Variants in CSNK1G3 observed in about 807,000 individuals in gnomAD.
The protein encoded by CSNK1G3 is casein kinase I isoform gamma-3.
CSNK1G3 carries 23 observed loss-of-function variants against 64.3 expected under a neutral mutation model. The observed-to-expected ratio is 0.36, with a 90% CI of 0.26 to 0.51. CSNK1G3 has a LOEUF of 0.51. Ranked by LOEUF, CSNK1G3 falls within the 20% of genes least tolerant of loss-of-function variation. The probability of loss-of-function intolerance (pLI) is 0.96; values close to 1 mark genes in which losing one functional copy is unlikely to be tolerated. For missense variants in CSNK1G3, 357 were observed against 510.5 expected (o/e 0.70, Z 2.90); for synonymous variants, 158 against 162.2 (o/e 0.97, Z 0.20).
chr5:123,553,178 G>T, intron 3 of CSNK1G3, 31 bp downstream of exon 3: 1 of 1,158,834 alleles, frequency 8.6e-7, no homozygotes, highest in Non-Finnish European at 1.2e-6. Context: ...TTTTCTTAAT[G>T]ATTTCTTTGT....
intron 6 of CSNK1G3, among the ~76,000 whole-genome samples, 195 bp from the exon 7 acceptor site, chr5:123,587,873 A>G (rs1561580974): frequency 6.6e-6 from 1 of 152,190 alleles, no homozygotes; most frequent in Non-Finnish European, 1.5e-5. Flanking sequence ...TATTTTAAAG[A>G]TGCTCAATAA....
At chr5:123,549,278 G>A (rs1468501206) in intron 2 of CSNK1G3, among the ~76,000 whole-genome samples, 1 of 151,998 alleles carries the variant, frequency 6.6e-6, no homozygotes, top group Non-Finnish European at 1.5e-5. Context: ...TAAAATATAG[G>A]GTTGTATTAT....
intron 4 of CSNK1G3, among the ~76,000 whole-genome samples, chr5:123,561,314 T>G (rs955486163): frequency 9.2e-5 from 14 of 152,208 alleles, no homozygotes; most frequent in African/African-American, 3.4e-4. Context: ...AGATGGTTTT[T>G]AAAGCTAAAG....
At chr5:123,540,224 T>C (rs887035589) in intron 1 of CSNK1G3, among the ~76,000 whole-genome samples, 2 of 152,146 alleles carry the variant, frequency 1.3e-5, no homozygotes, top group Non-Finnish European at 2.9e-5. Flanking sequence ...ATTTCAGATA[T>C]GACAGTTTTT....
At chr5:123,571,993 T>C (rs905361716) in intron 4 of CSNK1G3, among the ~76,000 whole-genome samples, 1 of 151,922 alleles carries the variant, frequency 6.6e-6, no homozygotes, top group Non-Finnish European at 1.5e-5. Flanking sequence ...ATGAGGAGGG[T>C]CACATAAGTT....
chr5:123,589,889 G>C (rs887444454), intron 8 of CSNK1G3, among the ~76,000 whole-genome samples: 4 of 151,964 alleles, frequency 2.6e-5, no homozygotes, highest in Admixed American at 2.0e-4. Flanking sequence ...TCCTTTGTTA[G>C]CTTAATTGGT....
At chr5:123,575,282 T>C (rs532585746) in intron 5 of CSNK1G3, among the ~76,000 whole-genome samples, 4 of 152,364 alleles carry the variant, frequency 2.6e-5, no homozygotes, top group African/African-American at 9.6e-5. Context: ...TGCTGTTGTT[T>C]TTACTTAATA....
chr5:123,582,911 A>G (rs1317180368), intron 6 of CSNK1G3, among the ~76,000 whole-genome samples: 6 of 152,334 alleles, frequency 3.9e-5, no homozygotes, highest in African/African-American at 1.4e-4. Context: ...AAAGAACACA[A>G]AAAAAGAAAT....
chr5:123,533,247 A>G (rs1780230935), intron 1 of CSNK1G3, among the ~76,000 whole-genome samples: 1 of 151,924 alleles, frequency 6.6e-6, no homozygotes. Context: ...TCCCATTAAC[A>G]GCTGAGCTTC....
At chr5:123,613,344 A>ACT (rs1295707652) in intron 12 of CSNK1G3, among the ~76,000 whole-genome samples, 1 of 151,994 alleles carries the variant, frequency 6.6e-6, no homozygotes, top group East Asian at 1.9e-4. Flanking sequence ...ATCATAGATC[A>ACT]AACATTCCTC....
chr5:123,533,208 G>C (rs1780221636), intron 1 of CSNK1G3, among the ~76,000 whole-genome samples: 1 of 151,752 alleles, frequency 6.6e-6, no homozygotes, highest in African/African-American at 2.4e-5. Context: ...GGATATTCTT[G>C]CCCCGTCCTT....
intron 4 of CSNK1G3, among the ~76,000 whole-genome samples, chr5:123,561,770 GAC>G (rs1785773530): frequency 6.6e-6 from 1 of 151,836 alleles, no homozygotes; most frequent in South Asian, 2.1e-4. Flanking sequence ...TTATTTTCTC[GAC>G]AGTTTCTCTC....
chr5:123,539,483 TGTTA>T (rs1781357938), intron 1 of CSNK1G3, among the ~76,000 whole-genome samples: 1 of 151,834 alleles, frequency 6.6e-6, no homozygotes, highest in African/African-American at 2.4e-5. Flanking sequence ...TTCTTTTTTC[TGTTA>T]GTTTGGTAGT....
At chr5:123,595,045 G>A in intron 10 of CSNK1G3, 1 of 1,613,464 alleles carries the variant, frequency 6.2e-7, no homozygotes, top group Non-Finnish European at 8.5e-7. Flanking sequence ...GCAGTCGGCA[G>A]ACCACAGGGC....
At chr5:123,613,908 A>G (rs1026518468) in intron 12 of CSNK1G3, among the ~76,000 whole-genome samples, 18 of 152,122 alleles carry the variant, frequency 1.2e-4, no homozygotes, top group African/African-American at 4.3e-4. Context: ...ATGATGGAAA[A>G]TGTTGACTAG....
At chr5:123,555,792 T>G (rs938996039) in intron 3 of CSNK1G3, among the ~76,000 whole-genome samples, 4 of 152,116 alleles carry the variant, frequency 2.6e-5, no homozygotes, top group African/African-American at 9.7e-5. Flanking sequence ...TCAGTATTTT[T>G]ATCCTAAGGG....
intron 2 of CSNK1G3, among the ~76,000 whole-genome samples, chr5:123,552,140 G>C (rs906504765): frequency 1.5e-5 from 2 of 135,530 alleles, no homozygotes; most frequent in African/African-American, 3.0e-5. Context: ...TGTATAAAAC[G>C]TTATGATCCT....
chr5:123,583,412 G>T (rs1204849913), intron 6 of CSNK1G3, among the ~76,000 whole-genome samples: 1 of 151,238 alleles, frequency 6.6e-6, no homozygotes, highest in Non-Finnish European at 1.5e-5. Context: ...GCAGGCTGGA[G>T]TGCAATGGCG....
chr5:123,542,601 A>G (rs970097661), intron 1 of CSNK1G3, among the ~76,000 whole-genome samples: 1 of 152,180 alleles, frequency 6.6e-6, no homozygotes, highest in Non-Finnish European at 1.5e-5. Context: ...GTTTTGAAGA[A>G]TAATATTACT....
Sources: allele counts gnomAD v4.1 joint callset (sites outside exome capture counted in the v4.1 genomes callset), GRCh38; gene constraint gnomAD v4.1.1; transcripts MANE v1.5; gene names NCBI Gene and HGNC (gene_info 2026-07-23, HGNC 2026-07-21).